Variants in OSTC observed in about 807,000 individuals in gnomAD.
OSTC encodes the protein oligosaccharyltransferase complex non-catalytic subunit, also known as oligosaccharyltransferase complex subunit OSTC.
Under a neutral mutation model 16.4 loss-of-function variants are expected in OSTC, and 16 were observed. The observed-to-expected ratio is 0.98, with a 90% CI of 0.66 to 1.49. The LOEUF is 1.49. Among genes scored for constraint, OSTC ranks in the 40% most tolerant of loss-of-function variants. The pLI, the probability that OSTC is intolerant of heterozygous loss-of-function variation, is 0.00. For missense variants in OSTC, 139 were observed against 186.3 expected (o/e 0.75, Z 1.48); for synonymous variants, 67 against 68.5 (o/e 0.98, Z 0.11).
rs1169694298 is a variant in OSTC, at chr4:108,667,466, AT to A, written c.*209del. 3 of 437,270 alleles carry A rather than the reference AT, an allele frequency of 6.9e-6. No homozygotes were observed. Among genetic ancestry groups the A allele is most frequent in the Non-Finnish European group, 8.1e-6 (2 of 246,934 alleles). The allele number at this position is 437,270 out of a possible 1,614,324, so 27.1% of individuals were successfully genotyped here. The stretch of plus-strand genomic sequence containing the variant: ...ATTAAAGAGACAAGTTTATCACAGA[AT>A]TTTTTTTCCTGCTGGCCTATTGCTA... On this transcript the variant is annotated 3_prime_UTR_variant, in exon 4 of 4. Coordinates refer to ENST00000361564, the MANE Select transcript of OSTC (RefSeq NM_021227.4).
intron 3 of OSTC, among the ~76,000 whole-genome samples, chr4:108,666,560 A>C: frequency 6.6e-6 from 1 of 152,050 alleles, no homozygotes; most frequent in African/African-American, 2.4e-5. Context: ...AAATAGAAAA[A>C]GTTAGCTGGG....
Position 108,650,607 on chromosome 4 carries a change from G to A in OSTC, c.-49G>A, listed in dbSNP as rs778993011. Reference sequence around the variant, plus strand: ...TGTTAGGGAGGGCGGGCCTGTTTCCGGGAGGCGCGTGGGGCTTGAGGCCGA... The same window carrying A: ...TGTTAGGGAGGGCGGGCCTGTTTCCAGGAGGCGCGTGGGGCTTGAGGCCGA... On this transcript the variant is annotated 5_prime_UTR_variant, in exon 1 of 4. Coordinates refer to ENST00000361564, the MANE Select transcript of OSTC (RefSeq NM_021227.4). 2.2e-5 allele frequency: 35 copies of A among 1,605,170 alleles called. No homozygotes were observed. The highest frequency in any genetic ancestry group is 2.4e-5 in the Non-Finnish European group (28 of 1,174,510).
Position 108,663,235 on chromosome 4 carries a change from G to A in OSTC, c.432-4012G>A, listed in dbSNP as rs903139599. On this transcript the variant is annotated intron_variant, in intron 3 of 3. Transcript: ENST00000361564. ...TTTTTGTTTTGTTTCGTATTGAGAC[G>A]GAGTCTCGCTCTGTTGCCCAGGCTG... 4.8e-5 allele frequency: 22 copies of A among 455,440 alleles called. No homozygotes were observed. In the East Asian group the frequency reaches 6.3e-4, roughly 13 times the overall value. The allele number at this position is 455,440 out of a possible 1,614,324, so 28.2% of individuals were successfully genotyped here. A position where few individuals can be genotyped will look rare whatever the true frequency, so the allele number is the denominator to read the frequency against.
rs1727041411 is a variant in OSTC, at chr4:108,667,540, A to G, written c.*275A>G. On this transcript the variant is annotated 3_prime_UTR_variant, in exon 4 of 4. Coordinates refer to ENST00000361564, the MANE Select transcript of OSTC (RefSeq NM_021227.4). ...TTTCTTTTTAGTTTTTCATTAAAAT[A>G]TATTCCATATCTACAACTATAATAT... The G allele has an allele frequency of 6.3e-6, 2 of 315,482 alleles. No individual in the cohort carries two copies. The highest frequency in any genetic ancestry group is 2.1e-5 in the African/African-American group (1 of 46,790). 19.5% of individuals were successfully genotyped at this position (315,482 alleles called of 1,614,324 possible). A position where few individuals can be genotyped will look rare whatever the true frequency, so the allele number is the denominator to read the frequency against.
chr4:108,650,624 T>A lies in OSTC; in HGVS notation c.-32T>A. The A allele has an allele frequency of 1.2e-6, 2 of 1,611,142 alleles. No individual in the cohort carries two copies. Among genetic ancestry groups the A allele is most frequent in the South Asian group, 1.1e-5 (1 of 90,996 alleles). ...CTGTTTCCGGGAGGCGCGTGGGGCT[T>A]GAGGCCGAGAACGGCCCTTGCTGCC... On this transcript the variant is annotated 5_prime_UTR_variant, in exon 1 of 4. Coordinates refer to ENST00000361564, the MANE Select transcript of OSTC (RefSeq NM_021227.4).
At chr4:108,665,822 T>A (rs150807180) in intron 3 of OSTC, among the ~76,000 whole-genome samples, 70 of 152,230 alleles carry the variant, frequency 4.6e-4, no homozygotes, top group Middle Eastern at 3.4e-3. Flanking sequence ...CTTCCCAAAG[T>A]GCTGGGATTA....
chr4:108,651,834 C>T (rs1239815299), intron 1 of OSTC, among the ~76,000 whole-genome samples: 3 of 152,164 alleles, frequency 2.0e-5, no homozygotes, highest in Admixed American at 6.6e-5. Flanking sequence ...ATAGTTGGCA[C>T]TGAAGGGGGA....
intron 2 of OSTC, among the ~76,000 whole-genome samples, chr4:108,656,712 T>G (rs535661816): frequency 6.6e-6 from 1 of 152,272 alleles, no homozygotes; most frequent in African/African-American, 2.4e-5. Context: ...AAGAAGTTTA[T>G]TATTATTAAC....
chr4:108,659,501 G>A (rs551796118), intron 3 of OSTC, among the ~76,000 whole-genome samples: 1 of 152,130 alleles, frequency 6.6e-6, no homozygotes, highest in South Asian at 2.1e-4. Flanking sequence ...TTACTGAAAG[G>A]CTCATGCCTG....
intron 3 of OSTC, among the ~76,000 whole-genome samples, chr4:108,662,507 A>C (rs1726882396): frequency 6.6e-6 from 1 of 152,174 alleles, no homozygotes; most frequent in Non-Finnish European, 1.5e-5. Context: ...TCTGTTATGC[A>C]TAGTACTACT....
At chr4:108,667,123 T>A in intron 3 of OSTC, 124 bp from the exon 4 acceptor site, 1 of 712,210 alleles carries the variant, frequency 1.4e-6, no homozygotes, top group African/African-American at 1.8e-5. Context: ...ATCACGCAAT[T>A]ATATTTTTGG....
At chr4:108,658,445 GTA>G (rs1560623837) in intron 3 of OSTC, among the ~76,000 whole-genome samples, 1 of 151,738 alleles carries the variant, frequency 6.6e-6, no homozygotes, top group Non-Finnish European at 1.5e-5. Context: ...GTGTGTGTGT[GTA>G]TGTGTGCGTG....
chr4:108,656,550 G>A (rs1032904089), intron 2 of OSTC, among the ~76,000 whole-genome samples: 30 of 149,562 alleles, frequency 2.0e-4, no homozygotes, highest in Non-Finnish European at 3.2e-4. Context: ...TGAACTATGA[G>A]AATTTGATAA....
chr4:108,665,445 C>CT (rs371138600), intron 3 of OSTC, among the ~76,000 whole-genome samples: 64,164 of 113,966 alleles, frequency 0.56, 19,877 homozygotes, highest in South Asian at 0.76. Flanking sequence ...TGTTGTAAAC[C>CT]TTTTTTTTTT....
At chr4:108,655,753 T>G in intron 2 of OSTC, 96 bp downstream of exon 2, 1 of 851,088 alleles carries the variant, frequency 1.2e-6, no homozygotes, top group Admixed American at 2.6e-5. Flanking sequence ...ATGGGATCCA[T>G]GTGTATTTAG....
chr4:108,663,170 A>C (rs1726900036), intron 3 of OSTC: 1 of 455,342 alleles, frequency 2.2e-6, no homozygotes, highest in Admixed American at 2.4e-5. Flanking sequence ...AAGTTAGATT[A>C]TGGCCACAGT....
Position 108,657,608 on chromosome 4 carries a change from G to A in OSTC, c.392G>A (p.Ser131Asn). 6.2e-7 allele frequency: 1 copy of A among 1,613,746 alleles called. No individual in the cohort carries two copies. The highest frequency in any genetic ancestry group is 8.5e-7 in the Non-Finnish European group (1 of 1,179,796). ...ATTGGATTCGTCTGTGTCCTATTGA[G>A]TTTTTTCATGGCTAGAGTATTCATG... ...LFIGFVCVLL[S>N]FFMARVFMRM... The change falls in exon 3 of 4, where the codon AGT becomes AAT. Residue 131 changes from serine (S) to asparagine (N), a missense_variant. By Grantham distance (46) the Ser-to-Asn change is conservative (BLOSUM62 1). Transcript: ENST00000361564.
At chr4:108,653,412 C>T (rs1726608521) in intron 1 of OSTC, among the ~76,000 whole-genome samples, 1 of 152,088 alleles carries the variant, frequency 6.6e-6, no homozygotes, top group South Asian at 2.1e-4. Context: ...CAGAGGGAAA[C>T]GTAGGGCAAA....
chr4:108,655,535 T>C (rs1726678100), intron 1 of OSTC, 29 bp from the exon 2 acceptor site: 1 of 1,346,600 alleles, frequency 7.4e-7, no homozygotes, highest in Non-Finnish European at 1.1e-6. Flanking sequence ...AGTAATACAA[T>C]CTAATCTGTT....
Sources: allele counts gnomAD v4.1 joint callset (sites outside exome capture counted in the v4.1 genomes callset), GRCh38; gene constraint gnomAD v4.1.1; transcripts MANE v1.5; gene names NCBI Gene and HGNC (gene_info 2026-07-23, HGNC 2026-07-21).